The following CNTN6 variants were observed in gnomAD, a reference collection of about 807,000 sequenced individuals.
The protein encoded by CNTN6 is contactin-6.
Under a neutral mutation model 122.8 loss-of-function variants are expected in CNTN6, and 137 were observed. That is an observed-to-expected ratio of 1.12 (90% confidence interval 0.97 to 1.29). The LOEUF (loss-of-function observed/expected upper bound fraction) is 1.29. CNTN6 is among the 50% of genes most tolerant of loss of function. The probability of loss-of-function intolerance (pLI) is 0.00; values close to 1 mark genes in which losing one functional copy is unlikely to be tolerated. For synonymous variants in CNTN6, 570 were observed against 426.0 expected (o/e 1.34, Z -4.16); for missense variants, 1,634 against 1,223.4 (o/e 1.34, Z -5.01).
At chr3:1,382,228 T>G (rs1255125112) in intron 17 of CNTN6, among the ~76,000 whole-genome samples, 3 of 152,204 alleles carry the variant, frequency 2.0e-5, no homozygotes, top group Admixed American at 6.5e-5. Context: ...TTCATTTTAA[T>G]TTGCTAAGTT....
At chr3:1,340,534 TA>T (rs1703734771) in intron 11 of CNTN6, among the ~76,000 whole-genome samples, 1 of 152,166 alleles carries the variant, frequency 6.6e-6, no homozygotes, top group Non-Finnish European at 1.5e-5. Context: ...GGTAGATATG[TA>T]AATTCAGTAA....
chr3:1,162,068 A>G (rs1203690426), intron 2 of CNTN6, among the ~76,000 whole-genome samples: 1 of 152,140 alleles, frequency 6.6e-6, no homozygotes, highest in African/African-American at 2.4e-5. Flanking sequence ...ATAAAAAATC[A>G]AACTTGGTTT....
intron 12 of CNTN6, among the ~76,000 whole-genome samples, chr3:1,355,177 CTTT>C (rs1706348458): frequency 6.6e-6 from 1 of 151,598 alleles, no homozygotes; most frequent in South Asian, 2.1e-4. Context: ...TCTTTTGCTT[CTTT>C]GTCATTAACA....
chr3:1,251,896 C>G (rs1455746965), intron 4 of CNTN6, among the ~76,000 whole-genome samples: 1 of 152,126 alleles, frequency 6.6e-6, no homozygotes, highest in Non-Finnish European at 1.5e-5. Flanking sequence ...TGACTCATTG[C>G]CTAGTCCCTG....
intron 20 of CNTN6, among the ~76,000 whole-genome samples, chr3:1,391,964 A>G (rs1560021895): frequency 6.6e-6 from 1 of 152,238 alleles, no homozygotes; most frequent in Admixed American, 6.5e-5. Context: ...CAATATCATG[A>G]AAATGGCCAT....
chr3:1,178,743 G>C (rs919255442), intron 2 of CNTN6, among the ~76,000 whole-genome samples: 2 of 152,174 alleles, frequency 1.3e-5, no homozygotes, highest in Non-Finnish European at 2.9e-5. Flanking sequence ...GTGGAAGTTT[G>C]AGCAATGTAG....
chr3:1,373,114 A>AGTGTGAATACAGACATGGAACT (rs1423413920), intron 14 of CNTN6, among the ~76,000 whole-genome samples, 159 bp downstream of exon 14: 4 of 152,172 alleles, frequency 2.6e-5, no homozygotes, highest in African/African-American at 7.2e-5. Context: ...TGGTATGGGT[A>AGTGTGAATACAGACATGGAACT]GTGTGAATAC....
Position 1,244,909 on chromosome 3 carries a change from G to C in CNTN6, c.358+16916G>C, listed in dbSNP as rs572908682. On this transcript the variant is annotated intron_variant, in intron 4 of 22. Coordinates refer to ENST00000446702, the MANE Select transcript of CNTN6 (RefSeq NM_001289080.2). ...GACTACAAAGTACCTTCTTAAGGGT[G>C]GGGGAGATTACAAAGTACATTGATC... Among the ~76,000 whole-genome samples the C allele has an allele frequency of 1.5e-3, 223 of 149,738 alleles. 1 individual carries two copies. Among genetic ancestry groups the C allele is most frequent in the Non-Finnish European group, 2.1e-3 (139 of 67,710 alleles).
chr3:1,165,050 A>G (rs1346514912), intron 2 of CNTN6, among the ~76,000 whole-genome samples: 4 of 152,310 alleles, frequency 2.6e-5, no homozygotes, highest in Admixed American at 6.5e-5. Context: ...GCTTTACAGA[A>G]TATAGGGTAT....
chr3:1,171,204 A>C (rs969751876), intron 2 of CNTN6, among the ~76,000 whole-genome samples: 1 of 152,192 alleles, frequency 6.6e-6, no homozygotes. Context: ...TAAAATGGAC[A>C]GGGGGTCATG....
chr3:1,195,807 A>G (rs1012775914), intron 2 of CNTN6, among the ~76,000 whole-genome samples: 1 of 152,172 alleles, frequency 6.6e-6, no homozygotes, highest in Non-Finnish European at 1.5e-5. Flanking sequence ...CACCTTTAGT[A>G]TAATCTTATT....
intron 2 of CNTN6, among the ~76,000 whole-genome samples, chr3:1,153,458 C>T (rs369721447): frequency 6.6e-6 from 1 of 152,162 alleles, no homozygotes; most frequent in Admixed American, 6.5e-5. Flanking sequence ...ATTTTCAAAA[C>T]TTCTCCCAAA....
At chr3:1,321,860 T>C in intron 8 of CNTN6, 26 bp downstream of exon 8, 1 of 1,555,264 alleles carries the variant, frequency 6.4e-7, no homozygotes, top group Non-Finnish European at 8.7e-7. Flanking sequence ...TTCAAATATA[T>C]ATAAAATATT....
intron 1 of CNTN6, among the ~76,000 whole-genome samples, chr3:1,143,506 A>G (rs1278342694): frequency 1.3e-5 from 2 of 152,140 alleles, no homozygotes; most frequent in East Asian, 3.9e-4. Context: ...GATTCTAGGA[A>G]CCTAGAATTA....
intron 1 of CNTN6, among the ~76,000 whole-genome samples, chr3:1,101,240 A>G (rs937774673): frequency 2.0e-5 from 3 of 152,152 alleles, no homozygotes; most frequent in African/African-American, 7.2e-5. Context: ...CCAAGTTTCC[A>G]TAAGGTCAGC....
chr3:1,148,553 G>A (rs1441942546), intron 2 of CNTN6, among the ~76,000 whole-genome samples: 1 of 152,006 alleles, frequency 6.6e-6, no homozygotes, highest in East Asian at 1.9e-4. Context: ...CTCAGAACTA[G>A]AAATAACCTT....
intron 4 of CNTN6, among the ~76,000 whole-genome samples, chr3:1,228,940 C>T (rs1188194286): frequency 5.7e-5 from 7 of 123,450 alleles, no homozygotes; most frequent in African/African-American, 1.8e-4. Flanking sequence ...TATTCTACAC[C>T]AGAGATCCCT....
intron 1 of CNTN6, among the ~76,000 whole-genome samples, chr3:1,112,282 T>C (rs888543586): frequency 1.3e-5 from 2 of 152,140 alleles, no homozygotes; most frequent in Admixed American, 1.3e-4. Flanking sequence ...GTATAGCTAT[T>C]ATGACAGAAG....
intron 1 of CNTN6, among the ~76,000 whole-genome samples, chr3:1,100,813 C>T (rs867490267): frequency 8.5e-5 from 13 of 152,172 alleles, no homozygotes; most frequent in Non-Finnish European, 1.3e-4. Flanking sequence ...TAGTTTCTCT[C>T]CCATTCTTAA....
Sources: gnomAD v4.1 joint callset for allele counts (sites outside exome capture counted in the v4.1 genomes callset) on GRCh38, gnomAD v4.1.1 for gene constraint, MANE v1.5 for transcripts, NCBI Gene and HGNC (gene_info 2026-07-23, HGNC 2026-07-21) for gene names.